Variants in ADHFE1 observed in about 807,000 individuals in gnomAD.
ADHFE1 encodes the protein alcohol dehydrogenase iron containing 1.
ADHFE1 carries 37 observed loss-of-function variants against 54.8 expected under a neutral mutation model. That is an observed-to-expected ratio of 0.68 (90% CI 0.52 to 0.89). The LOEUF is 0.89. Ranked by LOEUF, ADHFE1 falls within the 40% of genes least tolerant of loss-of-function variation. ADHFE1 has a pLI of 0.00. For missense variants in ADHFE1, 601 were observed against 591.2 expected (o/e 1.02, Z -0.17); for synonymous variants, 203 against 229.3 (o/e 0.89, Z 1.04).
chr8:66,456,071 C>G (rs564448352), intron 10 of ADHFE1, among the ~76,000 whole-genome samples: 1 of 151,868 alleles, frequency 6.6e-6, no homozygotes, highest in Non-Finnish European at 1.5e-5. Context: ...CCCAGGAAGT[C>G]GAGGCTGCAT....
chr8:66,457,239 G>A, intron 12 of ADHFE1, 73 bp downstream of exon 12: 3 of 1,452,244 alleles, frequency 2.1e-6, no homozygotes, highest in Non-Finnish European at 2.9e-6. Context: ...AGCATTTTGG[G>A]AGGCTAAGTT....
chr8:66,437,190 G>A (rs1805507276), intron 1 of ADHFE1, among the ~76,000 whole-genome samples: 1 of 152,176 alleles, frequency 6.6e-6, no homozygotes. Context: ...TAAGATGGAG[G>A]AAATGTGCTT....
At chr8:66,453,809 G>C in intron 9 of ADHFE1, 1 of 1,450,502 alleles carries the variant, frequency 6.9e-7, no homozygotes, top group Non-Finnish European at 9.3e-7. Context: ...TGCCTCCCCC[G>C]GCGCTTTTAC....
intron 10 of ADHFE1, among the ~76,000 whole-genome samples, chr8:66,454,918 A>C (rs1353995136): frequency 2.6e-5 from 4 of 151,890 alleles, no homozygotes. Context: ...GGGTTTCACC[A>C]TGTTGGCCTG....
intron 2 of ADHFE1, among the ~76,000 whole-genome samples, chr8:66,440,593 A>G (rs1386972248): frequency 6.6e-6 from 1 of 152,254 alleles, no homozygotes; most frequent in African/African-American, 2.4e-5. Flanking sequence ...GGTGGTTCCT[A>G]GAAAGAAAAA....
intron 3 of ADHFE1, 30 bp downstream of exon 3, chr8:66,442,874 A>G (rs1031500144): frequency 6.0e-6 from 9 of 1,502,856 alleles, no homozygotes; most frequent in Non-Finnish European, 6.3e-6. Flanking sequence ...TATTTCTTTT[A>G]TGAATGACTA....
intron 8 of ADHFE1, among the ~76,000 whole-genome samples, chr8:66,450,644 T>C (rs1313243407): frequency 6.6e-6 from 1 of 152,234 alleles, no homozygotes; most frequent in Non-Finnish European, 1.5e-5. Flanking sequence ...CTTCCAGGCT[T>C]TACACATAGT....
intron 12 of ADHFE1, among the ~76,000 whole-genome samples, chr8:66,458,409 G>T (rs1421130434): frequency 6.6e-6 from 1 of 152,200 alleles, no homozygotes; most frequent in Non-Finnish European, 1.5e-5. Context: ...TTCCCAGAGG[G>T]TGCTGAGGGG....
In ADHFE1 at chr8:66,451,903, A is replaced by G. The variant is rs1289641802; in HGVS notation, c.735-50A>G. 2.5e-6 allele frequency: 4 copies of G among 1,594,064 alleles called. No individual in the cohort carries two copies. The South Asian group carries it at 4.5e-5, about 18-fold the overall frequency. ...ACAGGTTGTGATCTAAATGGAGGGA[A>G]GGAGGAAGATGACGCTTTCCATCTG... On this transcript the variant is annotated intron_variant, in intron 8 of 13. Coordinates refer to ENST00000396623, the MANE Select transcript of ADHFE1 (RefSeq NM_144650.3).
intron 6 of ADHFE1, among the ~76,000 whole-genome samples, chr8:66,446,745 C>T (rs1406881316): frequency 6.6e-6 from 1 of 152,176 alleles, no homozygotes; most frequent in Non-Finnish European, 1.5e-5. Context: ...GCTAAACATG[C>T]ACGTATGTTA....
chr8:66,440,656 G>A (rs376946473), intron 2 of ADHFE1, among the ~76,000 whole-genome samples: 3 of 152,162 alleles, frequency 2.0e-5, no homozygotes, highest in Non-Finnish European at 4.4e-5. Flanking sequence ...AAATAATATT[G>A]TATTTCCTAA....
At chr8:66,455,851 G>A (rs1037050871) in intron 10 of ADHFE1, among the ~76,000 whole-genome samples, 2 of 152,138 alleles carry the variant, frequency 1.3e-5, no homozygotes, top group Admixed American at 1.3e-4. Flanking sequence ...GAGGCAGGAG[G>A]ATCGCTTAAG....
chr8:66,442,309 CTTTT>C (rs1028439051), intron 2 of ADHFE1, among the ~76,000 whole-genome samples: 3 of 133,798 alleles, frequency 2.2e-5, no homozygotes, highest in Non-Finnish European at 3.2e-5. Flanking sequence ...TACATTCTAT[CTTTT>C]TTTTTTTTTT....
At chr8:66,444,302 T>A in intron 3 of ADHFE1, 65 bp from the exon 4 acceptor site, 1 of 1,501,576 alleles carries the variant, frequency 6.7e-7, no homozygotes, top group East Asian at 2.3e-5. Flanking sequence ...CCATTTCAGG[T>A]TTTTAGAAAT....
chr8:66,448,617 T>C (rs2130407694), intron 7 of ADHFE1, among the ~76,000 whole-genome samples: 1 of 152,286 alleles, frequency 6.6e-6, no homozygotes, highest in African/African-American at 2.4e-5. Context: ...ACATCACTCA[T>C]CCAGGAGTAG....
intron 1 of ADHFE1, among the ~76,000 whole-genome samples, chr8:66,438,969 T>A (rs1480499970): frequency 6.6e-6 from 1 of 151,472 alleles, no homozygotes; most frequent in East Asian, 1.9e-4. Flanking sequence ...TTCCCTTGGC[T>A]CACTTTTCTT....
At chr8:66,458,550 A>C (rs1806718346) in intron 12 of ADHFE1, among the ~76,000 whole-genome samples, 2 of 152,196 alleles carry the variant, frequency 1.3e-5, no homozygotes, top group South Asian at 4.1e-4. Flanking sequence ...GAGAGCGCAA[A>C]TCATAGGCTA....
chr8:66,453,902 T>G, intron 9 of ADHFE1, 157 bp from the exon 10 acceptor site: 1 of 1,518,214 alleles, frequency 6.6e-7, no homozygotes, highest in Non-Finnish European at 8.8e-7. Context: ...AGTTTTCATT[T>G]AGAAGACAAG....
intron 13 of ADHFE1, among the ~76,000 whole-genome samples, chr8:66,465,304 A>G (rs1300095451): frequency 6.6e-6 from 1 of 152,206 alleles, no homozygotes; most frequent in Non-Finnish European, 1.5e-5. Context: ...ACTGTTTTCT[A>G]TAGTGGCTGC....
Sources: allele counts gnomAD v4.1 joint callset (sites outside exome capture counted in the v4.1 genomes callset), GRCh38; gene constraint gnomAD v4.1.1; transcripts MANE v1.5; gene names NCBI Gene and HGNC (gene_info 2026-07-23, HGNC 2026-07-21).